The following TJP1 variants were observed in gnomAD, a reference collection of about 807,000 sequenced individuals.
TJP1 encodes the protein tight junction protein 1.
In TJP1, 43 loss-of-function variants were observed where a neutral mutation model predicts 194.2. That is an observed-to-expected ratio of 0.22 (90% CI 0.17 to 0.29). The LOEUF (loss-of-function observed/expected upper bound fraction) is 0.29, where lower values mean the gene tolerates loss of function less well. TJP1 is among the 10% of genes least tolerant of loss of function. The probability of loss-of-function intolerance (pLI) is 1.00; values close to 1 mark genes in which losing one functional copy is unlikely to be tolerated. For missense variants in TJP1, 1,971 were observed against 2,185.7 expected (o/e 0.90, Z 1.96); for synonymous variants, 801 against 779.0 (o/e 1.03, Z -0.47).
intron 4 of TJP1, among the ~76,000 whole-genome samples, chr15:29,770,273 C>A (rs1194503198): frequency 6.6e-6 from 1 of 151,910 alleles, no homozygotes; most frequent in African/African-American, 2.4e-5. Flanking sequence ...ATGGCAAAAC[C>A]CCATCTCTAC....
intron 2 of TJP1, among the ~76,000 whole-genome samples, chr15:29,792,277 T>C (rs2048146310): frequency 6.6e-6 from 1 of 152,242 alleles, no homozygotes; most frequent in Non-Finnish European, 1.5e-5. Context: ...TTTGTTTTAG[T>C]ATACGGCAAG....
intron 4 of TJP1, 141 bp downstream of exon 4, chr15:29,771,923 A>C (rs2046713230): frequency 1.4e-5 from 8 of 563,570 alleles, no homozygotes; most frequent in Non-Finnish European, 2.4e-5. Flanking sequence ...CAGTGTTAGA[A>C]GAAACACTCA....
intron 2 of TJP1, among the ~76,000 whole-genome samples, chr15:29,866,146 T>C (rs1172059276): frequency 6.6e-6 from 1 of 152,246 alleles, no homozygotes; most frequent in East Asian, 1.9e-4. Flanking sequence ...TTTTCAAAAA[T>C]AGCAGCATAT....
At chr15:29,729,190 T>A (rs1327412471) in intron 15 of TJP1, 1 of 152,088 alleles carries the variant, frequency 6.6e-6, no homozygotes, top group Non-Finnish European at 1.5e-5. Context: ...TCCCAGCCAC[T>A]AGGGGAGGCT....
chr15:29,710,667 A>C (rs1443916857), intron 24 of TJP1, among the ~76,000 whole-genome samples, 164 bp downstream of exon 24: 1 of 152,238 alleles, frequency 6.6e-6, no homozygotes, highest in Non-Finnish European at 1.5e-5. Flanking sequence ...TGGTCTTGTA[A>C]AAACAGGAGA....
In TJP1 at chr15:29,957,305, G is replaced by C. The variant is rs534801216; in HGVS notation, c.174-941C>G. Among the ~76,000 whole-genome samples, 3 of 152,218 alleles carry C rather than the reference G, an allele frequency of 2.0e-5. No individual in the cohort carries two copies. The East Asian group carries it at 5.8e-4, about 29-fold the overall frequency. ...GATATGGCTACAGTTTAGAATAAAAGTAATACATCCATAGAGTTAAAACAT... is the reference window on the plus strand; with the variant it reads ...GATATGGCTACAGTTTAGAATAAAACTAATACATCCATAGAGTTAAAACAT... On this transcript the variant is annotated intron_variant, in intron 1 of 28. Coordinates refer to the TJP1 transcript ENST00000356107.
At chr15:29,828,580 T>C (rs537714287) in intron 2 of TJP1, among the ~76,000 whole-genome samples, 31 of 152,296 alleles carry the variant, frequency 2.0e-4, no homozygotes, top group Non-Finnish European at 3.4e-4. Flanking sequence ...TCTCCCCCCA[T>C]ATGAACACTT....
chr15:29,893,039 A>T (rs1346146971), intron 2 of TJP1, among the ~76,000 whole-genome samples: 1 of 152,236 alleles, frequency 6.6e-6, no homozygotes, highest in African/African-American at 2.4e-5. Context: ...TTTAGATGCC[A>T]TTAAGAATAT....
At chr15:29,849,221 T>C (rs1320874216) in intron 2 of TJP1, among the ~76,000 whole-genome samples, 1 of 152,184 alleles carries the variant, frequency 6.6e-6, no homozygotes, top group Non-Finnish European at 1.5e-5. Context: ...TTTCTTATAT[T>C]TGCCACATTT....
chr15:29,930,889 TAGTC>T (rs2054686374), intron 2 of TJP1, among the ~76,000 whole-genome samples: 1 of 152,160 alleles, frequency 6.6e-6, no homozygotes, highest in African/African-American at 2.4e-5. Context: ...GAAAATACAA[TAGTC>T]AGTTACATGT....
intron 2 of TJP1, among the ~76,000 whole-genome samples, chr15:29,861,099 G>A (rs1336941670): frequency 6.6e-6 from 1 of 152,166 alleles, no homozygotes; most frequent in East Asian, 1.9e-4. Context: ...GAATATGCAT[G>A]TATGCATTTT....
At chr15:29,779,799 C>T (rs1356473932) in intron 2 of TJP1, among the ~76,000 whole-genome samples, 1 of 152,086 alleles carries the variant, frequency 6.6e-6, no homozygotes, top group South Asian at 2.1e-4. Flanking sequence ...CAGTCGACTA[C>T]ATAACAAACC....
chr15:29,944,178 C>T (rs550847735), intron 2 of TJP1, among the ~76,000 whole-genome samples: 6 of 151,756 alleles, frequency 4.0e-5, no homozygotes, highest in South Asian at 4.2e-4. Context: ...CTGCAAGCTC[C>T]GCCTCCCGGG....
intron 2 of TJP1, among the ~76,000 whole-genome samples, chr15:29,913,960 T>C (rs993320116): frequency 6.6e-5 from 10 of 152,130 alleles, no homozygotes; most frequent in African/African-American, 2.2e-4. Context: ...GAGAAAACAA[T>C]CTTCAAAGCC....
chr15:29,914,890 A>G (rs1247990574), intron 2 of TJP1, among the ~76,000 whole-genome samples: 1 of 151,964 alleles, frequency 6.6e-6, no homozygotes, highest in Non-Finnish European at 1.5e-5. Context: ...ACGCACACAC[A>G]TGCATGCACA....
intron 2 of TJP1, among the ~76,000 whole-genome samples, chr15:29,843,166 T>A (rs1420255850): frequency 7.3e-6 from 1 of 137,322 alleles, no homozygotes; most frequent in Non-Finnish European, 1.7e-5. Context: ...TTTCTTTCTG[T>A]TTTTTTTCTT....
rs1022603593 is a variant in TJP1 at position 29,723,730 on chromosome 15, T to C, written c.2412+2649A>G. Reference sequence around the variant, plus strand: ...AGATGGAGAGGAAGAAATACAGTAATGCTTTTCTTTTGTTAAGTAATTAAG... The same window carrying C: ...AGATGGAGAGGAAGAAATACAGTAACGCTTTTCTTTTGTTAAGTAATTAAG... On this transcript the variant is annotated intron_variant, in intron 18 of 27. Coordinates refer to ENST00000614355, the MANE Select transcript of TJP1 (RefSeq NM_001330239.4). Among the ~76,000 whole-genome samples the C allele has an allele frequency of 7.2e-5, 11 of 152,354 alleles. No homozygotes were observed. The East Asian group carries it at 1.7e-3, about 24-fold the overall frequency.
At chr15:29,786,770 G>A (rs45453897) in intron 2 of TJP1, among the ~76,000 whole-genome samples, 10,565 of 152,222 alleles carry the variant, frequency 0.069, 520 homozygotes, top group Non-Finnish European at 0.11. Context: ...CCAAAGTACT[G>A]GAATTACAGG....
chr15:29,781,063 G>GA (rs1051173110), intron 2 of TJP1, among the ~76,000 whole-genome samples: 5 of 151,274 alleles, frequency 3.3e-5, no homozygotes, highest in Non-Finnish European at 5.9e-5. Flanking sequence ...TTGTATTTTT[G>GA]AAAAAAAATC....
Sources: gnomAD v4.1 joint callset for allele counts (sites outside exome capture counted in the v4.1 genomes callset) on GRCh38, gnomAD v4.1.1 for gene constraint, MANE v1.5 for transcripts, NCBI Gene and HGNC (gene_info 2026-07-23, HGNC 2026-07-21) for gene names.